LRRFIP1: variants seen among roughly 807,000 people sequenced by gnomAD.
LRRFIP1 encodes the protein LRR binding FLII interacting protein 1.
A neutral mutation model predicts 104.4 loss-of-function variants in LRRFIP1; 62 were observed. The observed-to-expected ratio is 0.59, with a 90% CI of 0.48 to 0.73. The LOEUF (loss-of-function observed/expected upper bound fraction) is 0.73, where lower values mean the gene tolerates loss of function less well. LRRFIP1 is among the 30% of genes least tolerant of loss of function. The pLI is 0.00. For missense variants in LRRFIP1, 796 were observed against 824.5 expected, an observed-to-expected ratio of 0.97 and a Z score of 0.42; for synonymous variants, 300 against 299.0, an observed-to-expected ratio of 1.00 and a Z score of -0.03.
At chr2:237,655,889 C>CTCACA (rs1266500503) in intron 1 of LRRFIP1, among the ~76,000 whole-genome samples, 4 of 152,234 alleles carry the variant, frequency 2.6e-5, no homozygotes, top group Non-Finnish European at 5.9e-5. Flanking sequence ...ATGAAAAAGA[C>CTCACA]TCACAATTCC....
chr2:237,750,378 C>G, intron 13 of LRRFIP1, among the ~76,000 whole-genome samples: 1 of 135,178 alleles, frequency 7.4e-6, no homozygotes, highest in Non-Finnish European at 1.6e-5. Flanking sequence ...CTTTTGTCAC[C>G]CATGCTGGAG....
chr2:237,751,749 A>G (rs956671684), intron 14 of LRRFIP1, among the ~76,000 whole-genome samples: 2 of 152,206 alleles, frequency 1.3e-5, no homozygotes, highest in Non-Finnish European at 2.9e-5. Context: ...GTAAAATGCT[A>G]CTAATTGAAG....
At chr2:237,692,213 A>C in intron 1 of LRRFIP1, 2 of 1,078,112 alleles carry the variant, frequency 1.9e-6, no homozygotes, top group Non-Finnish European at 2.2e-6. Flanking sequence ...GCGCCCTTCC[A>C]CCCCGAGCCC....
chr2:237,701,418 A>T (rs1031798891), intron 1 of LRRFIP1, among the ~76,000 whole-genome samples: 4 of 152,222 alleles, frequency 2.6e-5, no homozygotes, highest in African/African-American at 9.7e-5. Context: ...GCGAGGATGG[A>T]AGCACATGTG....
intron 1 of LRRFIP1, among the ~76,000 whole-genome samples, chr2:237,672,922 A>T (rs1475692250): frequency 6.6e-6 from 1 of 152,216 alleles, no homozygotes; most frequent in Non-Finnish European, 1.5e-5. Flanking sequence ...TTGGCGTCTT[A>T]TATAGATGGT....
At chr2:237,775,708 C>T (rs1037745073) in intron 23 of LRRFIP1, among the ~76,000 whole-genome samples, 5 of 152,134 alleles carry the variant, frequency 3.3e-5, no homozygotes, top group Non-Finnish European at 7.4e-5. Context: ...TGCGGTGGCC[C>T]GTGCCTGTAG....
chr2:237,694,315 T>C (rs1391327285), intron 1 of LRRFIP1, among the ~76,000 whole-genome samples: 2 of 152,184 alleles, frequency 1.3e-5, no homozygotes, highest in Admixed American at 1.3e-4. Context: ...CAGAGAGAAG[T>C]TGTGAACCTG....
chr2:237,651,419 TCAAAAAGTGTCATATTA>T (rs2085914507), intron 1 of LRRFIP1, among the ~76,000 whole-genome samples: 1 of 152,188 alleles, frequency 6.6e-6, no homozygotes, highest in Non-Finnish European at 1.5e-5. Context: ...TCCAATTATG[TCAAAAAGTGTCATATTA>T]CAATTGGTTG....
rs2059227264 is a variant in LRRFIP1 at position 237,756,016 on chromosome 2, CTATA to C, written c.1039-78_1039-75del. The C allele has an allele frequency of 1.1e-5, 9 of 850,166 alleles. No homozygotes were observed. The South Asian group carries it at 1.4e-4, about 13-fold the overall frequency. 52.7% of individuals were successfully genotyped at this position (850,166 alleles called of 1,614,324 possible). A position where few individuals can be genotyped will look rare whatever the true frequency, so the allele number is the denominator to read the frequency against. ...TAGCAGGTGATTTGTTCCACAGAAACTATAAATCGTGAGAGCCTGAACTGGCATG... is the reference window on the plus strand; with the variant it reads ...TAGCAGGTGATTTGTTCCACAGAAACAATCGTGAGAGCCTGAACTGGCATG... On this transcript the variant is annotated intron_variant, in intron 15 of 23. Transcript: ENST00000308482.
At chr2:237,660,262 A>G (rs6721784) in intron 1 of LRRFIP1, among the ~76,000 whole-genome samples, 90,908 of 152,068 alleles carry the variant, frequency 0.6, 27,740 homozygotes, top group African/African-American at 0.72. Context: ...CAAACTTCAC[A>G]CATATTAGAA....
At chr2:237,769,663 G>A (rs1048032648) in intron 19 of LRRFIP1, 1 of 398,244 alleles carries the variant, frequency 2.5e-6, no homozygotes, top group Non-Finnish European at 4.6e-6. Context: ...TTTGGCCCTA[G>A]CGTTCTTGCA....
chr2:237,715,018 C>T (rs1369158637), intron 3 of LRRFIP1, among the ~76,000 whole-genome samples: 1 of 152,170 alleles, frequency 6.6e-6, no homozygotes, highest in Non-Finnish European at 1.5e-5. Flanking sequence ...AATTTAGTTT[C>T]TAGACAACAA....
chr2:237,705,295 T>C lies in LRRFIP1; in HGVS notation c.97-3249T>C, dbSNP rs78191972. Among the ~76,000 whole-genome samples the C allele has an allele frequency of 7.9e-3, 1,208 of 152,302 alleles. 42 individuals carry two copies. Among genetic ancestry groups the C allele is most frequent in the Admixed American group, 0.068 (1,036 of 15,302 alleles). The stretch of plus-strand genomic sequence containing the variant: ...CCTCTCCTTCTGTTATCTGCTAGTG[T>C]GTAATAAATATCCACAATTCAGCGG... On this transcript the variant is annotated intron_variant, in intron 1 of 23. Coordinates refer to ENST00000308482, the MANE Select transcript of LRRFIP1 (RefSeq NM_001137550.2).
chr2:237,650,247 G>T (rs2085698513), intron 1 of LRRFIP1, among the ~76,000 whole-genome samples: 1 of 151,990 alleles, frequency 6.6e-6, no homozygotes, highest in Non-Finnish European at 1.5e-5. Context: ...CAGTGGAGAA[G>T]GATGCCAGCC....
At chr2:237,739,344 G>T (rs1425649311) in intron 11 of LRRFIP1, 35 bp downstream of exon 11, 2 of 1,523,784 alleles carry the variant, frequency 1.3e-6, no homozygotes, top group Admixed American at 3.9e-5. Context: ...CCTACTCAGT[G>T]TCACCCTCCC....
intron 14 of LRRFIP1, among the ~76,000 whole-genome samples, chr2:237,751,525 A>G (rs2058629082): frequency 6.6e-6 from 1 of 152,234 alleles, no homozygotes; most frequent in African/African-American, 2.4e-5. Context: ...TGCATGCCTT[A>G]GACTTACCAT....
intron 19 of LRRFIP1, among the ~76,000 whole-genome samples, chr2:237,762,346 T>C (rs946719921): frequency 3.3e-5 from 5 of 152,186 alleles, no homozygotes; most frequent in African/African-American, 7.2e-5. Context: ...CCTTTAAAAA[T>C]CTGTCCACAC....
In LRRFIP1 at chr2:237,719,514, CA is replaced by C; in HGVS notation, c.250-8del. 3.7e-6 allele frequency: 6 copies of C among 1,611,902 alleles called. No individual in the cohort carries two copies. The highest frequency in any genetic ancestry group is 5.1e-6 in the Non-Finnish European group (6 of 1,178,292). On this transcript the variant is annotated splice_polypyrimidine_tract_variant and splice_region_variant and intron_variant, in intron 4 of 23. Coordinates refer to ENST00000308482, the MANE Select transcript of LRRFIP1 (RefSeq NM_001137550.2). ...CTCTAACCTTTTCATGCTGTTTCTT[CA>C]TTGTTAGGAAGACAGTGAGCGCTAC... is the stretch of plus-strand genomic sequence containing the variant.
chr2:237,707,403 CA>C (rs1329328711), intron 1 of LRRFIP1, among the ~76,000 whole-genome samples: 1 of 145,346 alleles, frequency 6.9e-6, no homozygotes, highest in Non-Finnish European at 1.5e-5. Flanking sequence ...TGTGAATACA[CA>C]CACACACTGC....
Sources: allele counts gnomAD v4.1 joint callset (sites outside exome capture counted in the v4.1 genomes callset), GRCh38; gene constraint gnomAD v4.1.1; transcripts MANE v1.5; gene names NCBI Gene and HGNC (gene_info 2026-07-23, HGNC 2026-07-21).